Variants in CACNA2D2 observed in about 807,000 individuals in gnomAD.
The protein encoded by CACNA2D2 is calcium voltage-gated channel auxiliary subunit alpha2delta 2, also known as voltage-dependent calcium channel subunit alpha-2/delta-2.
In CACNA2D2, 48 loss-of-function variants were observed where a neutral mutation model predicts 166.4. That is an observed-to-expected ratio of 0.29 (90% confidence interval 0.23 to 0.37). The LOEUF (loss-of-function observed/expected upper bound fraction) is 0.37. CACNA2D2 is among the 10% of genes least tolerant of loss of function. The pLI, the probability that CACNA2D2 is intolerant of heterozygous loss-of-function variation, is 1.00. For missense variants in CACNA2D2, 1,122 were observed against 1,433.0 expected (o/e 0.78, Z 3.50); for synonymous variants, 561 against 573.7 (o/e 0.98, Z 0.32).
chr3:50,434,715 C>T lies in CACNA2D2; in HGVS notation c.289-286G>A, dbSNP rs547162668. Among the ~76,000 whole-genome samples the T allele has an allele frequency of 2.3e-3, 347 of 152,340 alleles. 1 individual carries two copies. The highest frequency in any genetic ancestry group is 3.7e-3 in the Non-Finnish European group (252 of 68,036). On this transcript the variant is annotated intron_variant, in intron 2 of 37. Coordinates refer to ENST00000424201, the MANE Select transcript of CACNA2D2 (RefSeq NM_006030.4). The stretch of plus-strand genomic sequence containing the variant: ...ACTGCCTTCTCTGGGCCTCAGGGCC[C>T]CCCATTTCAGGGTCATGAGCAGCCC...
At position 50,464,936 on chromosome 3, in the gene CACNA2D2, A is replaced by C. The variant is rs988467941; in HGVS notation, c.288+11182T>G. Among the ~76,000 whole-genome samples the C allele has an allele frequency of 3.3e-5, 5 of 152,378 alleles. No homozygotes were observed. In the East Asian group the frequency reaches 9.6e-4, roughly 29 times the overall value. On this transcript the variant is annotated intron_variant, in intron 2 of 37. Transcript: ENST00000424201. ...TGGCTGCTGCCAAGAAGGGCCCAGA[A>C]AGGATGTGCCAGCCCTGGGACTGGG...
intron 2 of CACNA2D2, among the ~76,000 whole-genome samples, chr3:50,436,042 G>A (rs1261753605): frequency 6.6e-6 from 1 of 152,196 alleles, no homozygotes; most frequent in African/African-American, 2.4e-5. Flanking sequence ...GGAAAGGCAG[G>A]GAACCTAGAG....
In CACNA2D2 at chr3:50,363,466, C is replaced by G. The variant is rs1395352531; in HGVS notation, c.*1200G>C. ...GTGAAGAGCTGTGCCCAGTCCCCAC[C>G]TGTGTGTGTGTGTGTGTGTGTGTGT... On this transcript the variant is annotated 3_prime_UTR_variant, in exon 38 of 38. Transcript: ENST00000424201. The G allele has an allele frequency of 1.4e-5, 5 of 352,882 alleles. No individual in the cohort carries two copies. Among genetic ancestry groups the G allele is most frequent in the African/African-American group, 2.4e-5 (1 of 40,992 alleles). The allele number at this position is 352,882 out of a possible 1,614,324, so 21.9% of individuals were successfully genotyped here. A position where few individuals can be genotyped will look rare whatever the true frequency, so the allele number is the denominator to read the frequency against.
Position 50,418,680 on chromosome 3 carries a change from G to A in CACNA2D2, c.405+15633C>T, listed in dbSNP as rs1248013381. Among the ~76,000 whole-genome samples the A allele has an allele frequency of 2.0e-5, 3 of 152,252 alleles. 1 individual carries two copies. The highest frequency in any genetic ancestry group is 2.0e-4 in the Admixed American group (3 of 15,288). ...ACAGGGCCATGGCCGCCTCTTCTCT[G>A]CGGCATCCTGGTGCTCCCCATGATG... On this transcript the variant is annotated intron_variant, in intron 3 of 37. Coordinates refer to ENST00000424201, the MANE Select transcript of CACNA2D2 (RefSeq NM_006030.4).
chr3:50,475,742 G>A (rs1247130217), intron 2 of CACNA2D2, among the ~76,000 whole-genome samples: 2 of 151,916 alleles, frequency 1.3e-5, no homozygotes, highest in Non-Finnish European at 1.5e-5. Flanking sequence ...CGGCCATCCC[G>A]TTGTTTCCTG....
intron 1 of CACNA2D2, among the ~76,000 whole-genome samples, chr3:50,483,094 T>G (rs1390683904): frequency 1.3e-5 from 2 of 152,196 alleles, no homozygotes; most frequent in African/African-American, 4.8e-5. Context: ...TGATTCATGA[T>G]AGAGTAAGGC....
chr3:50,380,033 C>T lies in CACNA2D2; in HGVS notation c.843-15G>A. ...CCTGGATATACCTGCCCAGGAGATG[C>T]CTCTGTTAGGGTAAGGCCCACTGGG... On this transcript the variant is annotated splice_polypyrimidine_tract_variant and intron_variant, in intron 8 of 37. Transcript: ENST00000424201. The surrounding 1 kb of genome is among the most constrained non-coding windows in gnomAD (Gnocchi z 4.9). 2 of 1,613,952 alleles carry T rather than the reference C, an allele frequency of 1.2e-6. No homozygotes were observed. Among genetic ancestry groups the T allele is most frequent in the Non-Finnish European group, 1.7e-6 (2 of 1,179,966 alleles).
intron 2 of CACNA2D2, among the ~76,000 whole-genome samples, chr3:50,444,074 T>C (rs1708731143): frequency 6.6e-6 from 1 of 152,200 alleles, no homozygotes; most frequent in South Asian, 2.1e-4. Context: ...CTGCTTTCTC[T>C]GTATCACCTC....
At chr3:50,368,983 A>G (rs1012674197) in intron 23 of CACNA2D2, among the ~76,000 whole-genome samples, 8 of 152,128 alleles carry the variant, frequency 5.3e-5, no homozygotes, top group African/African-American at 1.9e-4. Context: ...GGACCGCTTC[A>G]TTGTCCCATA....
intron 22 of CACNA2D2, among the ~76,000 whole-genome samples, chr3:50,371,951 A>G (rs1704674541): frequency 6.7e-6 from 1 of 149,966 alleles, no homozygotes; most frequent in African/African-American, 2.5e-5. Flanking sequence ...TGGCCACTGG[A>G]GGTGGCTCTG....
intron 3 of CACNA2D2, among the ~76,000 whole-genome samples, chr3:50,408,679 C>T (rs539124618): frequency 8.5e-5 from 13 of 152,308 alleles, no homozygotes; most frequent in Non-Finnish European, 1.3e-4. Flanking sequence ...GACTGCCAGG[C>T]GCTAATGGCT....
intron 3 of CACNA2D2, among the ~76,000 whole-genome samples, chr3:50,431,640 G>A (rs911338949): frequency 7.9e-5 from 12 of 152,118 alleles, no homozygotes; most frequent in African/African-American, 2.2e-4. Flanking sequence ...CTCAGCACAC[G>A]GTGAGTATCT....
intron 3 of CACNA2D2, among the ~76,000 whole-genome samples, chr3:50,397,077 G>A (rs1170809965): frequency 1.3e-5 from 2 of 152,112 alleles, no homozygotes; most frequent in Non-Finnish European, 2.9e-5. Flanking sequence ...CCAAAACATG[G>A]GGGCTACAGG....
chr3:50,440,684 C>T (rs559506771), intron 2 of CACNA2D2, among the ~76,000 whole-genome samples: 2 of 152,242 alleles, frequency 1.3e-5, no homozygotes, highest in African/African-American at 4.8e-5. Context: ...GGGTGGGCGG[C>T]CCATTAATAG....
At chr3:50,372,967 A>C in intron 22 of CACNA2D2, 2 of 683,984 alleles carry the variant, frequency 2.9e-6, no homozygotes, top group Non-Finnish European at 4.4e-6. Context: ...CCTGGAGAGC[A>C]GGGGTTTGGC....
intron 2 of CACNA2D2, among the ~76,000 whole-genome samples, chr3:50,471,900 G>A (rs935752502): frequency 1.6e-4 from 24 of 152,208 alleles, no homozygotes; most frequent in African/African-American, 5.8e-4. Context: ...GGACTGTGCC[G>A]CTGTCACTGG....
At chr3:50,449,650 T>C (rs1451331210) in intron 2 of CACNA2D2, among the ~76,000 whole-genome samples, 1 of 152,166 alleles carries the variant, frequency 6.6e-6, no homozygotes. Context: ...ATGAAAATAG[T>C]GTCAGCCTGA....
Position 50,366,376 on chromosome 3 carries a change from C to T in CACNA2D2, c.2638-38G>A, listed in dbSNP as rs1047839925. On this transcript the variant is annotated intron_variant, in intron 30 of 37. Transcript: ENST00000424201. This position sits in a 1 kb window ranked among gnomAD's most constrained non-coding sequence, Gnocchi z 5.9. ...GAATGGGGAGGAAAATGGAGAGGGG[C>T]TGGGCCCCGGACCTTCCACCGCAGG... 3.7e-6 allele frequency: 6 copies of T among 1,605,526 alleles called. No homozygotes were observed. The Admixed American group carries it at 1.0e-4, about 27-fold the overall frequency.
rs371826030 is a variant in CACNA2D2 at position 50,366,958 on chromosome 3, C to G, written c.2501-39G>C. 1.2e-6 allele frequency: 2 copies of G among 1,613,052 alleles called. No individual in the cohort carries two copies. Among genetic ancestry groups the G allele is most frequent in the Non-Finnish European group, 1.7e-6 (2 of 1,179,350 alleles). The stretch of plus-strand genomic sequence containing the variant: ...CAAGGGACCATCAGTGCTACCTGCC[C>G]AGGCAGTACCCTGTCCATTGCCTGT... On this transcript the variant is annotated intron_variant, in intron 28 of 37. Coordinates refer to ENST00000424201, the MANE Select transcript of CACNA2D2 (RefSeq NM_006030.4). This position sits in a 1 kb window ranked among gnomAD's most constrained non-coding sequence, Gnocchi z 5.9.
Sources: allele counts gnomAD v4.1 joint callset (sites outside exome capture counted in the v4.1 genomes callset), GRCh38; gene constraint gnomAD v4.1.1; non-coding constraint Gnocchi (gnomAD v3.1); transcripts MANE v1.5; gene names NCBI Gene and HGNC (gene_info 2026-07-23, HGNC 2026-07-21).